Variants in KRT85 observed in about 807,000 individuals in gnomAD.
KRT85 encodes the protein keratin 85.
Under a neutral mutation model 53.7 loss-of-function variants are expected in KRT85, and 39 were observed. The observed-to-expected ratio is 0.73, with a 90% CI of 0.56 to 0.95. The LOEUF (loss-of-function observed/expected upper bound fraction) is 0.95. KRT85 is among the 40% of genes least tolerant of loss of function. KRT85 has a pLI of 0.00. For synonymous variants in KRT85, 291 were observed against 277.5 expected, an observed-to-expected ratio of 1.05 and a Z score of -0.48; for missense variants, 668 against 686.0, an observed-to-expected ratio of 0.97 and a Z score of 0.29.
rs15667 is a variant in KRT85 at position 52,360,077 on chromosome 12, C to T, written c.*776G>A. 0.56 allele frequency: 86,155 copies of T among 152,694 alleles called. 25,095 individuals carry two copies. Among genetic ancestry groups the T allele is most frequent in the African/African-American group, 0.72 (29,614 of 41,366 alleles). The allele number at this position is 152,694 out of a possible 1,614,324, so 9.5% of individuals were successfully genotyped here. On this transcript the variant is annotated 3_prime_UTR_variant, in exon 9 of 9. Coordinates refer to ENST00000257901, the MANE Select transcript of KRT85 (RefSeq NM_002283.4). ...AAGGCAATGCACCCATAGACAGTCA[C>T]AAGAAGGAGACCCAGGAAGTGGCTT...
At chr12:52,361,856 C>G (rs1280967115) in intron 7 of KRT85, among the ~76,000 whole-genome samples, 1 of 151,900 alleles carries the variant, frequency 6.6e-6, no homozygotes, top group Non-Finnish European at 1.5e-5. Flanking sequence ...AGAAGTGCAT[C>G]ATCATCATAA....
At chr12:52,364,850 C>T (rs1167815047) in intron 2 of KRT85, 112 bp downstream of exon 2, 2 of 1,586,750 alleles carry the variant, frequency 1.3e-6, no homozygotes, top group East Asian at 2.2e-5. Flanking sequence ...CTCTGGGTTC[C>T]AGGCAGCCTG....
intron 2 of KRT85, 121 bp from the exon 3 acceptor site, chr12:52,364,487 C>T (rs1939243382): frequency 1.3e-6 from 2 of 1,571,372 alleles, no homozygotes; most frequent in East Asian, 4.6e-5. Context: ...GTTGTCTTGG[C>T]CCCTCCAGGA....
At chr12:52,362,120 A>C in intron 7 of KRT85, 131 bp downstream of exon 7, 1 of 1,078,866 alleles carries the variant, frequency 9.3e-7, no homozygotes, top group Non-Finnish European at 1.4e-6. Context: ...TTCAGTTATT[A>C]TTATTATTAT....
At position 52,360,797 on chromosome 12, in the gene KRT85, G is replaced by T; in HGVS notation, c.*56C>A. 1 of 1,529,112 alleles carries T rather than the reference G, an allele frequency of 6.5e-7. No homozygotes were observed. The highest frequency in any genetic ancestry group is 9.1e-7 in the Non-Finnish European group (1 of 1,104,116). 94.7% of individuals were successfully genotyped at this position (1,529,112 alleles called of 1,614,324 possible). ...ACATTTTCCATTCACATGCCATTCA[G>T]TGCAGTGATGCAGGCAGGCAGGTGC... On this transcript the variant is annotated 3_prime_UTR_variant, in exon 9 of 9. Coordinates refer to ENST00000257901, the MANE Select transcript of KRT85 (RefSeq NM_002283.4).
intron 6 of KRT85, 135 bp downstream of exon 6, chr12:52,362,719 A>T: frequency 7.0e-7 from 1 of 1,423,796 alleles, no homozygotes; most frequent in Non-Finnish European, 9.8e-7. Context: ...ACATGGTCTG[A>T]TTGCTGTGAA....
intron 1 of KRT85, among the ~76,000 whole-genome samples, chr12:52,365,506 T>C (rs1275960563): frequency 6.6e-6 from 1 of 152,182 alleles, no homozygotes; most frequent in Admixed American, 6.5e-5. Context: ...TTAATGCATA[T>C]CAAGTGCTTA....
rs140815644 is a variant in KRT85 at position 52,361,192 on chromosome 12, C to T, written c.1331-146G>A. On this transcript the variant is annotated intron_variant, in intron 8 of 8. Transcript: ENST00000257901. ...AGGCCCTGTCCCTGAGATGCACAGC[C>T]CATCTAGGGAACTGGGGCAGGAAGG... The T allele has an allele frequency of 9.6e-3, 7,968 of 825,962 alleles. 60 individuals carry two copies. The highest frequency in any genetic ancestry group is 0.013 in the Non-Finnish European group (6,270 of 500,086). The allele number at this position is 825,962 out of a possible 1,614,324, so 51.2% of individuals were successfully genotyped here.
At chr12:52,366,696 C>T (rs144376704) in intron 1 of KRT85, among the ~76,000 whole-genome samples, 96 of 152,068 alleles carry the variant, frequency 6.3e-4, no homozygotes, top group African/African-American at 2.2e-3. Context: ...CATATACACA[C>T]CACACACTAA....
chr12:52,366,927 A>G, intron 1 of KRT85, 59 bp downstream of exon 1: 1 of 1,612,234 alleles, frequency 6.2e-7, no homozygotes. Flanking sequence ...GCAGACTGGG[A>G]CCTCCCCAAG....
At chr12:52,361,761 C>T (rs1939194435) in intron 7 of KRT85, among the ~76,000 whole-genome samples, 1 of 152,148 alleles carries the variant, frequency 6.6e-6, no homozygotes, top group Non-Finnish European at 1.5e-5. Flanking sequence ...TGGATGGTGC[C>T]AATCAAGCTC....
intron 1 of KRT85, 43 bp from the exon 2 acceptor site, chr12:52,365,213 G>A: frequency 6.3e-7 from 1 of 1,597,102 alleles, no homozygotes; most frequent in Non-Finnish European, 8.6e-7. Flanking sequence ...GAGCCTGGGG[G>A]GAGGCACCTG....
At position 52,367,332 on chromosome 12, in the gene KRT85, G is replaced by A. The variant is rs929434148; in HGVS notation, c.74C>T (p.Ala25Val). 17 of 1,613,952 alleles carry A rather than the reference G, an allele frequency of 1.1e-5. No homozygotes were observed. In the East Asian group the frequency reaches 3.8e-4, roughly 36 times the overall value. ...TRNFSSCSAV[A>V]PKTGNRCCIS... Reference sequence around the variant, plus strand: ...GCAGCAGCGGTTGCCAGTTTTGGGGGCCACAGCTGAGCAGGAGCTGAAGTT... The same window carrying A: ...GCAGCAGCGGTTGCCAGTTTTGGGGACCACAGCTGAGCAGGAGCTGAAGTT... The change falls in exon 1 of 9, where the codon GCC becomes GTC. Residue 25 changes from alanine (A) to valine (V), a missense_variant. Ala to Val is a moderately conservative substitution (Grantham distance 64). This residue lies in a region of KRT85 where 158 missense variants were observed against 141.8 expected (regional missense o/e 1.11). Coordinates refer to ENST00000257901, the MANE Select transcript of KRT85 (RefSeq NM_002283.4).
chr12:52,365,803 C>T (rs115713853), intron 1 of KRT85, among the ~76,000 whole-genome samples: 2,262 of 152,254 alleles, frequency 0.015, 62 homozygotes, highest in African/African-American at 0.052. Context: ...ATGCCCAGCT[C>T]ATGGTAAGCG....
At chr12:52,365,393 T>A (rs980179719) in intron 1 of KRT85, among the ~76,000 whole-genome samples, 1 of 152,228 alleles carries the variant, frequency 6.6e-6, no homozygotes, top group Admixed American at 6.5e-5. Context: ...CCAGTTTTGA[T>A]ACTTTAGAGA....
At chr12:52,361,373 G>T in intron 8 of KRT85, 94 bp downstream of exon 8, 1 of 1,170,188 alleles carries the variant, frequency 8.5e-7, no homozygotes, top group Non-Finnish European at 1.3e-6. Context: ...GAAACAGTTG[G>T]GGGAACACTC....
At chr12:52,365,905 G>T (rs569558581) in intron 1 of KRT85, among the ~76,000 whole-genome samples, 1 of 152,314 alleles carries the variant, frequency 6.6e-6, no homozygotes, top group African/African-American at 2.4e-5. Context: ...TGTCTGATAA[G>T]TGGAGACGCT....
In KRT85 at chr12:52,365,034, A is replaced by G. The variant is rs530087584; in HGVS notation, c.557T>C (p.Val186Ala). 8.7e-6 allele frequency: 14 copies of G among 1,613,382 alleles called. No homozygotes were observed. The East Asian group carries it at 3.1e-4, about 36-fold the overall frequency. ...GGCCAGCCTCCCGCTGTCGGCCTCCACGCACTCGGCCTCCCGCCGCAGAGT... is the reference window on the plus strand; with the variant it reads ...GGCCAGCCTCCCGCTGTCGGCCTCCGCGCACTCGGCCTCCCGCCGCAGAGT... Reference protein sequence around the residue: ...IETLRREAECVEADSGRLASE... With the variant: ...IETLRREAECAEADSGRLASE... The change falls in exon 2 of 9, where the codon GTG (valine) becomes GCG (alanine). Residue 186 changes from valine to alanine, a missense_variant. Physicochemically the swap from Val to Ala is moderately conservative, Grantham distance 64 (BLOSUM62 0). This residue lies in a region of KRT85 where 488 missense variants were observed against 498.1 expected (regional missense o/e 0.98). Transcript: ENST00000257901.
At chr12:52,364,824 C>T (rs1939247592) in intron 2 of KRT85, 138 bp downstream of exon 2, 2 of 1,499,586 alleles carry the variant, frequency 1.3e-6, no homozygotes, top group Non-Finnish European at 1.8e-6. Flanking sequence ...GAAATCTAGG[C>T]CCCACTGGAT....
Sources: allele counts gnomAD v4.1 joint callset (sites outside exome capture counted in the v4.1 genomes callset), GRCh38; gene constraint gnomAD v4.1.1; regional missense constraint gnomAD v4.1.1; transcripts MANE v1.5; gene names NCBI Gene and HGNC (gene_info 2026-07-23, HGNC 2026-07-21).